The following RPTOR variants were observed in gnomAD, a reference collection of about 807,000 sequenced individuals.
The protein encoded by RPTOR is regulatory associated protein of MTOR complex 1.
A neutral mutation model predicts 169.9 loss-of-function variants in RPTOR; 21 were observed. That is an observed-to-expected ratio of 0.12 (90% CI 0.09 to 0.18). RPTOR has a LOEUF of 0.18. Ranked by LOEUF, RPTOR falls within the 10% of genes least tolerant of loss-of-function variation. RPTOR has a pLI of 1.00. For synonymous variants in RPTOR, 732 were observed against 753.2 expected (o/e 0.97, Z 0.46); for missense variants, 1,133 against 1,855.9 (o/e 0.61, Z 7.16).
chr17:80,640,845 TGTGAGCCACCGCTGACCGTC>T (rs1485331826), intron 2 of RPTOR, among the ~76,000 whole-genome samples: 5 of 152,188 alleles, frequency 3.3e-5, no homozygotes, highest in African/African-American at 1.2e-4. Context: ...GCATGCATAG[TGTGAGCCACCGCTGACCGTC>T]GTGATGCATG....
At chr17:80,961,933 G>A (rs1049013588) in intron 31 of RPTOR, among the ~76,000 whole-genome samples, 7 of 152,328 alleles carry the variant, frequency 4.6e-5, no homozygotes, top group African/African-American at 1.7e-4. Context: ...TGCAAAGCCA[G>A]CATTTCTTCA....
chr17:80,818,830 A>T (rs1025475853), intron 7 of RPTOR, among the ~76,000 whole-genome samples: 1 of 152,162 alleles, frequency 6.6e-6, no homozygotes, highest in African/African-American at 2.4e-5. Context: ...TAAAAACACA[A>T]CTAAGTACAC....
chr17:80,648,736 G>A (rs1356546158), intron 3 of RPTOR, among the ~76,000 whole-genome samples: 1 of 152,144 alleles, frequency 6.6e-6, no homozygotes, highest in African/African-American at 2.4e-5. Flanking sequence ...TTTTATAGAT[G>A]GATGCTGATA....
chr17:80,643,481 C>A (rs1263180626), intron 2 of RPTOR, among the ~76,000 whole-genome samples: 1 of 152,120 alleles, frequency 6.6e-6, no homozygotes, highest in African/African-American at 2.4e-5. Context: ...TACAAATGAA[C>A]GTGGGTAGAA....
intron 20 of RPTOR, among the ~76,000 whole-genome samples, chr17:80,901,873 C>G (rs1343542810): frequency 6.6e-6 from 1 of 152,060 alleles, no homozygotes; most frequent in Non-Finnish European, 1.5e-5. Flanking sequence ...CCCTCAGTCA[C>G]GTGTTTCCTT....
intron 6 of RPTOR, among the ~76,000 whole-genome samples, chr17:80,777,331 G>A (rs1189986777): frequency 6.6e-6 from 1 of 152,102 alleles, no homozygotes; most frequent in East Asian, 1.9e-4. Context: ...AGATCACCTG[G>A]TTTCATGTTA....
chr17:80,634,278 C>G (rs2065469536), intron 2 of RPTOR, among the ~76,000 whole-genome samples: 1 of 120,054 alleles, frequency 8.3e-6, no homozygotes, highest in African/African-American at 3.7e-5. Context: ...TGTGTGCGTA[C>G]TGTGTGTGTG....
At chr17:80,580,413 G>A (rs1385498587) in intron 1 of RPTOR, among the ~76,000 whole-genome samples, 2 of 152,154 alleles carry the variant, frequency 1.3e-5, no homozygotes, top group Non-Finnish European at 2.9e-5. Context: ...GCTTTTTCCT[G>A]GCTCGGCTGC....
Position 80,838,009 on chromosome 17 carries a change from C to T in RPTOR, c.1212+12C>T, listed in dbSNP as rs761941180. ...GCACTGCGTTTCGGGTGAGTCCCTC[C>T]AAGGGCACCCTGTGCATCCGCGGCG... On this transcript the variant is annotated intron_variant, in intron 10 of 33. Coordinates refer to ENST00000306801, the MANE Select transcript of RPTOR (RefSeq NM_020761.3). The T allele has an allele frequency of 6.9e-6, 11 of 1,603,372 alleles. No individual in the cohort carries two copies. The highest frequency in any genetic ancestry group is 2.2e-5 in the East Asian group (1 of 44,664).
Position 80,824,099 on chromosome 17 carries a change from G to GA in RPTOR, c.1136+878dup, listed in dbSNP as rs1289631410. 1.3e-4 allele frequency among the ~76,000 whole-genome samples: 20 copies of GA among 152,276 alleles called. No homozygotes were observed. The East Asian group carries it at 2.7e-3, about 21-fold the overall frequency. On this transcript the variant is annotated intron_variant, in intron 9 of 33. Coordinates refer to ENST00000306801, the MANE Select transcript of RPTOR (RefSeq NM_020761.3). ...CCTGGAAACCCAGAGAAGCAAGAAG[G>GA]AATCTAAACTCACTACCCATCACCC...
At chr17:80,919,776 G>A (rs1200996432) in intron 21 of RPTOR, among the ~76,000 whole-genome samples, 1 of 152,258 alleles carries the variant, frequency 6.6e-6, no homozygotes. Context: ...ACCGAAGGTT[G>A]GCTTGGGGAG....
At chr17:80,824,799 A>G (rs1164540902) in intron 9 of RPTOR, among the ~76,000 whole-genome samples, 1 of 152,224 alleles carries the variant, frequency 6.6e-6, no homozygotes, top group African/African-American at 2.4e-5. Flanking sequence ...AGCACCTCCT[A>G]TCTGATGTGC....
intron 3 of RPTOR, among the ~76,000 whole-genome samples, chr17:80,645,133 G>A (rs61100637): frequency 0.065 from 9,856 of 152,216 alleles, 1,065 homozygotes; most frequent in African/African-American, 0.23. Flanking sequence ...GAGATGCCTC[G>A]TGTTTTCCAT....
intron 3 of RPTOR, among the ~76,000 whole-genome samples, chr17:80,697,626 A>G (rs1326339407): frequency 6.6e-6 from 1 of 152,198 alleles, no homozygotes; most frequent in African/African-American, 2.4e-5. Context: ...GGACTTGGGA[A>G]CGTCTGGGCC....
intron 3 of RPTOR, among the ~76,000 whole-genome samples, chr17:80,697,460 G>A (rs2066046541): frequency 6.6e-6 from 1 of 152,346 alleles, no homozygotes; most frequent in South Asian, 2.1e-4. Context: ...ACCTGCCCCT[G>A]TCTGCCTAGG....
chr17:80,848,237 G>A (rs1016210934), intron 11 of RPTOR, among the ~76,000 whole-genome samples: 3 of 152,214 alleles, frequency 2.0e-5, no homozygotes, highest in African/African-American at 7.2e-5. Context: ...CTTGAGCCCA[G>A]GAGTTCAAGG....
chr17:80,786,560 G>A (rs544746485), intron 6 of RPTOR, among the ~76,000 whole-genome samples: 2 of 152,284 alleles, frequency 1.3e-5, no homozygotes, highest in South Asian at 2.1e-4. Flanking sequence ...GAGTGACACC[G>A]GCACTGCCAT....
At chr17:80,749,450 C>T (rs1177838064) in intron 5 of RPTOR, among the ~76,000 whole-genome samples, 1 of 79,604 alleles carries the variant, frequency 1.3e-5, no homozygotes, top group African/African-American at 5.1e-5. Flanking sequence ...GTTTAGAGGC[C>T]GTGGCGGGAG....
At chr17:80,914,284 T>A (rs6565490) in intron 21 of RPTOR, among the ~76,000 whole-genome samples, 1 of 152,140 alleles carries the variant, frequency 6.6e-6, no homozygotes, top group Admixed American at 6.5e-5. Flanking sequence ...GCTCCCCAGG[T>A]GCAGCTACAG....
Sources: gnomAD v4.1 joint callset for allele counts (sites outside exome capture counted in the v4.1 genomes callset) on GRCh38, gnomAD v4.1.1 for gene constraint, MANE v1.5 for transcripts, NCBI Gene and HGNC (gene_info 2026-07-23, HGNC 2026-07-21) for gene names.